THADA: variants seen among roughly 807,000 people sequenced by gnomAD.
The protein encoded by THADA is tRNA (32-2'-O)-methyltransferase regulator THADA.
In THADA, 213 loss-of-function variants were observed where a neutral mutation model predicts 219.8. The observed-to-expected ratio is 0.97, with a 90% confidence interval of 0.87 to 1.09. THADA has a LOEUF of 1.09. THADA is among the 50% of genes least tolerant of loss of function. THADA has a pLI of 0.00. For synonymous variants in THADA, 1,018 were observed against 828.9 expected (o/e 1.23, Z -3.92); for missense variants, 2,956 against 2,311.3 (o/e 1.28, Z -5.72).
chr2:43,286,699 T>C (rs1366504597), intron 35 of THADA, among the ~76,000 whole-genome samples: 1 of 152,084 alleles, frequency 6.6e-6, no homozygotes, highest in Non-Finnish European at 1.5e-5. Flanking sequence ...CACTCCAGCC[T>C]GGGTGACAAG....
rs771529524 is a variant in THADA at position 43,592,037 on chromosome 2, T to C, written c.86A>G (p.Asp29Gly). The change falls in exon 3 of 38, where the codon GAT becomes GGT. Residue 29 changes from aspartate (D) to glycine (G), a missense_variant. Asp to Gly is a moderately conservative substitution (Grantham distance 94). Transcript: ENST00000405975. Reference protein sequence around the residue: ...QDLETLKSFADVEGKNLASLL... With the variant: ...QDLETLKSFAGVEGKNLASLL... Reference sequence around the variant, plus strand: ...AGAAGCTAGATTTTTCCCTTCCACATCAGCAAAAGCTATATAACATATACA... The same window carrying C: ...AGAAGCTAGATTTTTCCCTTCCACACCAGCAAAAGCTATATAACATATACA... 14 of 1,557,344 alleles carry C rather than the reference T, an allele frequency of 9.0e-6. No homozygotes were observed. The highest frequency in any genetic ancestry group is 7.8e-5 in the Admixed American group (4 of 51,052).
intron 31 of THADA, among the ~76,000 whole-genome samples, chr2:43,311,614 C>T (rs1000660972): frequency 3.9e-5 from 6 of 152,066 alleles, no homozygotes; most frequent in African/African-American, 1.4e-4. Context: ...GAAAACAACC[C>T]AAATGTCCAT....
At chr2:43,485,375 A>C in intron 25 of THADA, 50 bp from the exon 26 acceptor site, 1 of 1,316,072 alleles carries the variant, frequency 7.6e-7, no homozygotes, top group Non-Finnish European at 1.1e-6. Flanking sequence ...TTGGCATGAA[A>C]CCAACGTTTA....
At chr2:43,519,027 C>T (rs964133993) in intron 22 of THADA, among the ~76,000 whole-genome samples, 1 of 151,862 alleles carries the variant, frequency 6.6e-6, no homozygotes, top group Non-Finnish European at 1.5e-5. Context: ...ATCATGCCCT[C>T]CTGCTTGCCT....
intron 10 of THADA, among the ~76,000 whole-genome samples, 182 bp from the exon 11 acceptor site, chr2:43,575,209 TC>T (rs1699732837): frequency 6.6e-6 from 1 of 152,220 alleles, no homozygotes; most frequent in Non-Finnish European, 1.5e-5. Context: ...TGTATATGAT[TC>T]TTTTTACCTT....
intron 7 of THADA, among the ~76,000 whole-genome samples, chr2:43,585,293 T>C (rs964862437): frequency 6.7e-6 from 1 of 148,602 alleles, no homozygotes; most frequent in Non-Finnish European, 1.5e-5. Flanking sequence ...GAGGATCACT[T>C]GAGCCAATGA....
At chr2:43,548,436 C>T (rs1696331971) in intron 20 of THADA, among the ~76,000 whole-genome samples, 2 of 152,240 alleles carry the variant, frequency 1.3e-5, no homozygotes, top group Admixed American at 1.3e-4. Flanking sequence ...GAGGTTACTG[C>T]TGTCTTTTTG....
chr2:43,326,509 A>T (rs896767797), intron 30 of THADA, among the ~76,000 whole-genome samples: 1 of 152,184 alleles, frequency 6.6e-6, no homozygotes, highest in Non-Finnish European at 1.5e-5. Context: ...ACATGGCTTA[A>T]TGTGGCCTCC....
chr2:43,471,632 AT>A (rs1684914578), intron 26 of THADA, among the ~76,000 whole-genome samples: 1 of 152,238 alleles, frequency 6.6e-6, no homozygotes, highest in Non-Finnish European at 1.5e-5. Context: ...AACTCCAAGC[AT>A]TTCCTAATAT....
At chr2:43,508,615 T>C (rs1308569495) in intron 23 of THADA, 33 bp downstream of exon 23, 1 of 1,602,600 alleles carries the variant, frequency 6.2e-7, no homozygotes, top group East Asian at 2.2e-5. Flanking sequence ...AAGACAAATA[T>C]AAACAAACAG....
chr2:43,424,013 T>G (rs779014398), intron 28 of THADA, among the ~76,000 whole-genome samples: 3 of 152,190 alleles, frequency 2.0e-5, no homozygotes, highest in Non-Finnish European at 4.4e-5. Flanking sequence ...ATTCACATGG[T>G]AAAGGGCTTT....
At chr2:43,378,594 C>A (rs1356316540) in intron 29 of THADA, among the ~76,000 whole-genome samples, 1 of 152,180 alleles carries the variant, frequency 6.6e-6, no homozygotes, top group East Asian at 1.9e-4. Flanking sequence ...ATGTCATAGA[C>A]AATATAATAG....
intron 19 of THADA, among the ~76,000 whole-genome samples, chr2:43,550,940 T>G (rs920617371): frequency 1.3e-5 from 2 of 152,124 alleles, no homozygotes; most frequent in Non-Finnish European, 2.9e-5. Flanking sequence ...CACAGGAAGA[T>G]CCCATCTCTA....
chr2:43,421,834 G>T (rs768945996), intron 28 of THADA, among the ~76,000 whole-genome samples: 1 of 152,236 alleles, frequency 6.6e-6, no homozygotes, highest in African/African-American at 2.4e-5. Context: ...CCTGGAGGGT[G>T]CCATTTAAGA....
At chr2:43,556,764 A>C (rs150873717) in intron 16 of THADA, among the ~76,000 whole-genome samples, 5 of 152,180 alleles carry the variant, frequency 3.3e-5, no homozygotes, top group Middle Eastern at 3.4e-3. Flanking sequence ...ATCTCAAAAA[A>C]ACAACAACAA....
chr2:43,432,259 G>T (rs941688973), intron 26 of THADA, among the ~76,000 whole-genome samples: 7 of 152,170 alleles, frequency 4.6e-5, no homozygotes, highest in Non-Finnish European at 8.8e-5. Context: ...CAAAGTTCTG[G>T]GATTACAGGC....
At chr2:43,366,517 G>A (rs1433585799) in intron 29 of THADA, among the ~76,000 whole-genome samples, 5 of 152,144 alleles carry the variant, frequency 3.3e-5, no homozygotes, top group South Asian at 4.1e-4. Flanking sequence ...CAAAAGGATC[G>A]AGATATGAAG....
chr2:43,260,981 T>C (rs1033572548), intron 36 of THADA, among the ~76,000 whole-genome samples: 3 of 151,852 alleles, frequency 2.0e-5, no homozygotes, highest in Admixed American at 6.6e-5. Context: ...TGGCTGTATT[T>C]TAATAACTTT....
intron 26 of THADA, among the ~76,000 whole-genome samples, chr2:43,475,459 A>C (rs1315004168): frequency 5.3e-5 from 8 of 150,566 alleles, no homozygotes; most frequent in Non-Finnish European, 3.0e-5. Context: ...TAGAAAGACT[A>C]TTTGACTTCA....
Sources: allele counts gnomAD v4.1 joint callset (sites outside exome capture counted in the v4.1 genomes callset), GRCh38; gene constraint gnomAD v4.1.1; transcripts MANE v1.5; gene names NCBI Gene and HGNC (gene_info 2026-07-23, HGNC 2026-07-21).